PPP3CA: variants seen among roughly 807,000 people sequenced by gnomAD.
PPP3CA encodes the protein protein phosphatase 3 catalytic subunit alpha.
A neutral mutation model predicts 66.5 loss-of-function variants in PPP3CA; 14 were observed. That is an observed-to-expected ratio of 0.21 (90% CI 0.14 to 0.33). The LOEUF is 0.33. PPP3CA is among the 10% of genes least tolerant of loss of function. The pLI is 1.00. For synonymous variants in PPP3CA, 232 were observed against 226.2 expected, an observed-to-expected ratio of 1.03 and a Z score of -0.23; for missense variants, 317 against 639.5, an observed-to-expected ratio of 0.50 and a Z score of 5.44.
At chr4:101,069,061 G>T (rs990329778) in intron 8 of PPP3CA, among the ~76,000 whole-genome samples, 1 of 151,976 alleles carries the variant, frequency 6.6e-6, no homozygotes, top group African/African-American at 2.4e-5. Context: ...AAGAGATGGG[G>T]TCTTGCTCTG....
At chr4:101,170,947 A>AATAATC in intron 2 of PPP3CA, 1 of 273,602 alleles carries the variant, frequency 3.7e-6, no homozygotes, top group South Asian at 3.6e-5. Context: ...TATTTGGGCA[A>AATAATC]ATAATCATTT....
intron 7 of PPP3CA, among the ~76,000 whole-genome samples, 180 bp downstream of exon 7, chr4:101,083,006 T>A (rs1288581265): frequency 1.3e-5 from 2 of 152,188 alleles, no homozygotes; most frequent in East Asian, 1.9e-4. Context: ...ACGATACATC[T>A]GCAGCCATTC....
chr4:101,038,285 A>G (rs769646003), intron 11 of PPP3CA, among the ~76,000 whole-genome samples: 64 of 151,648 alleles, frequency 4.2e-4, no homozygotes, highest in Admixed American at 7.2e-4. Flanking sequence ...CTTTATGAAC[A>G]CTCCAGTCAG....
intron 2 of PPP3CA, among the ~76,000 whole-genome samples, chr4:101,164,244 CCA>C (rs56930592): frequency 0.15 from 23,366 of 151,896 alleles, 2,477 homozygotes; most frequent in East Asian, 0.29. Context: ...TTATCCCACC[CCA>C]TACAATTTTC....
intron 1 of PPP3CA, among the ~76,000 whole-genome samples, chr4:101,229,394 C>T (rs112040817): frequency 6.6e-6 from 1 of 151,596 alleles, no homozygotes; most frequent in South Asian, 2.1e-4. Flanking sequence ...CTGCTGATTC[C>T]CCTGTACAAA....
chr4:101,278,144 A>AAAAAAAAAAAT (rs1163329750), intron 1 of PPP3CA, among the ~76,000 whole-genome samples: 3 of 145,172 alleles, frequency 2.1e-5, no homozygotes, highest in African/African-American at 7.8e-5. Flanking sequence ...AAAAAATAAA[A>AAAAAAAAAAAT]AAATTAAAAA....
intron 2 of PPP3CA, among the ~76,000 whole-genome samples, chr4:101,123,963 C>T (rs1457168601): frequency 6.6e-6 from 1 of 152,154 alleles, no homozygotes; most frequent in Non-Finnish European, 1.5e-5. Flanking sequence ...ATAACTGGTA[C>T]AGGTTAATAC....
intron 2 of PPP3CA, among the ~76,000 whole-genome samples, chr4:101,150,696 G>T (rs1011358260): frequency 1.3e-5 from 2 of 152,102 alleles, no homozygotes; most frequent in Admixed American, 1.3e-4. Context: ...ACACAGTATA[G>T]AATAGTTAAT....
chr4:101,186,403 A>T (rs1000820110), intron 2 of PPP3CA, among the ~76,000 whole-genome samples: 1 of 152,168 alleles, frequency 6.6e-6, no homozygotes, highest in Non-Finnish European at 1.5e-5. Flanking sequence ...ACTGTTAAAA[A>T]GTCAATTACC....
intron 8 of PPP3CA, among the ~76,000 whole-genome samples, chr4:101,072,954 T>TTA (rs564467461): frequency 0.015 from 2,100 of 144,800 alleles, 54 homozygotes; most frequent in African/African-American, 0.049. Flanking sequence ...AAAAAAAAAA[T>TTA]TATATATATA....
At chr4:101,298,956 G>C (rs1179221147) in intron 1 of PPP3CA, among the ~76,000 whole-genome samples, 5 of 151,670 alleles carry the variant, frequency 3.3e-5, no homozygotes, top group Non-Finnish European at 7.4e-5. Context: ...TTTTGTCATT[G>C]TGCGAACATT....
intron 1 of PPP3CA, among the ~76,000 whole-genome samples, chr4:101,326,936 G>A (rs562062389): frequency 2.6e-5 from 4 of 152,278 alleles, no homozygotes; most frequent in Admixed American, 2.6e-4. Context: ...GTTCAAATAT[G>A]AATAGGCAGT....
At chr4:101,271,805 G>A (rs180818669) in intron 1 of PPP3CA, among the ~76,000 whole-genome samples, 1 of 151,956 alleles carries the variant, frequency 6.6e-6, no homozygotes, top group East Asian at 1.9e-4. Flanking sequence ...ACAAACAAGG[G>A]TAAAAGATGG....
Position 101,188,637 on chromosome 4 carries a change from T to C in PPP3CA, c.259+7279A>G, listed in dbSNP as rs184811519. 9.2e-5 allele frequency among the ~76,000 whole-genome samples: 14 copies of C among 152,274 alleles called. No individual in the cohort carries two copies. In the East Asian group the frequency reaches 2.7e-3, roughly 29 times the overall value. On this transcript the variant is annotated intron_variant, in intron 2 of 13. Coordinates refer to ENST00000394854, the MANE Select transcript of PPP3CA (RefSeq NM_000944.5). Reference sequence around the variant, plus strand: ...GCTACATAGACCTTTTAGGGTTTAATATGAGGAAAAGAACATTGGGCTCTT... The same window carrying C: ...GCTACATAGACCTTTTAGGGTTTAACATGAGGAAAAGAACATTGGGCTCTT...
intron 2 of PPP3CA, among the ~76,000 whole-genome samples, chr4:101,132,934 G>A (rs546539386): frequency 6.6e-6 from 1 of 152,160 alleles, no homozygotes; most frequent in Non-Finnish European, 1.5e-5. Context: ...GGGATGCAAG[G>A]CTGGTTCAAC....
intron 1 of PPP3CA, among the ~76,000 whole-genome samples, chr4:101,256,067 C>G (rs1447655272): frequency 2.6e-5 from 4 of 151,750 alleles, no homozygotes; most frequent in Non-Finnish European, 5.9e-5. Flanking sequence ...CTTTTCTGCC[C>G]CTGAACAGGG....
intron 1 of PPP3CA, among the ~76,000 whole-genome samples, chr4:101,246,052 G>A (rs112069778): frequency 3.3e-5 from 5 of 152,050 alleles, no homozygotes; most frequent in African/African-American, 7.2e-5. Flanking sequence ...CAAGTTATAC[G>A]TCAACCATGA....
intron 2 of PPP3CA, among the ~76,000 whole-genome samples, chr4:101,161,647 C>T (rs374874106): frequency 3.9e-5 from 6 of 152,146 alleles, no homozygotes; most frequent in African/African-American, 1.2e-4. Context: ...ATTCTAAAAT[C>T]TCTTTTTAAC....
At chr4:101,176,856 C>T (rs970581623) in intron 2 of PPP3CA, among the ~76,000 whole-genome samples, 7 of 152,064 alleles carry the variant, frequency 4.6e-5, no homozygotes, top group Admixed American at 3.3e-4. Context: ...AATAGATATA[C>T]GATATACTAG....
Sources: allele counts gnomAD v4.1 joint callset (sites outside exome capture counted in the v4.1 genomes callset), GRCh38; gene constraint gnomAD v4.1.1; transcripts MANE v1.5; gene names NCBI Gene and HGNC (gene_info 2026-07-23, HGNC 2026-07-21).